The following KDM2B variants were observed in gnomAD, a reference collection of about 807,000 sequenced individuals.
The protein encoded by KDM2B is lysine demethylase 2B, also known as lysine-specific demethylase 2B.
KDM2B carries 26 observed loss-of-function variants against 150.0 expected under a neutral mutation model. The ratio of observed to expected loss-of-function variants is 0.17; its 90% CI spans 0.13 to 0.24. The LOEUF (loss-of-function observed/expected upper bound fraction) is 0.24. Among genes scored for constraint, KDM2B ranks in the 10% least tolerant of loss-of-function variants. The pLI is 1.00. For missense variants in KDM2B, 1,265 were observed against 1,816.9 expected (o/e 0.70, Z 5.52); for synonymous variants, 734 against 729.5 (o/e 1.01, Z -0.10).
chr12:121,517,329 C>G (rs1369280942), intron 9 of KDM2B, among the ~76,000 whole-genome samples: 2 of 152,172 alleles, frequency 1.3e-5, no homozygotes, highest in Admixed American at 1.3e-4. Flanking sequence ...TGGGCAGTGA[C>G]ATTGCAGGAT....
chr12:121,410,259 G>T, the KDM2B span, among the ~76,000 whole-genome samples: 1 of 150,492 alleles, frequency 6.6e-6, no homozygotes, highest in South Asian at 2.1e-4. Context: ...GCTGCATGGG[G>T]CTGGCGTGGT....
At chr12:121,444,389 C>G (rs782027333) in intron 15 of KDM2B, 61 bp downstream of exon 15, 1 of 1,607,090 alleles carries the variant, frequency 6.2e-7, no homozygotes, top group African/African-American at 1.3e-5. Context: ...AGGCTGGTCC[C>G]GGCCAGGCCC....
intron 1 of KDM2B, chr12:121,580,152 TAAATAAA>T: frequency 6.5e-7 from 1 of 1,549,446 alleles, no homozygotes; most frequent in Non-Finnish European, 8.6e-7. Flanking sequence ...AACCAAAAAA[TAAATAAA>T]TAAAGCAAGC....
the KDM2B span, among the ~76,000 whole-genome samples, chr12:121,422,420 C>T: frequency 2.0e-5 from 3 of 152,196 alleles, no homozygotes; most frequent in Non-Finnish European, 4.4e-5. Flanking sequence ...GACCAAGGCC[C>T]ACTCTGATTT....
At chr12:121,444,559 G>C (rs1555289677) in intron 14 of KDM2B, 23 bp from the exon 15 acceptor site, 1 of 1,607,632 alleles carries the variant, frequency 6.2e-7, no homozygotes, top group Non-Finnish European at 8.5e-7. Flanking sequence ...CCAGGACTCA[G>C]AAGAGGGACG....
intron 11 of KDM2B, among the ~76,000 whole-genome samples, chr12:121,495,152 C>G (rs1555300731): frequency 6.6e-6 from 1 of 151,788 alleles, no homozygotes; most frequent in Non-Finnish European, 1.5e-5. Flanking sequence ...GCATGGCACC[C>G]TCCCTGGCTA....
At chr12:121,509,481 T>C in intron 11 of KDM2B, 86 bp downstream of exon 11, 2 of 1,544,754 alleles carry the variant, frequency 1.3e-6, no homozygotes, top group Non-Finnish European at 1.7e-6. Flanking sequence ...CACAGAGCCA[T>C]CGTGAGCTGA....
At chr12:121,461,387 CTG>C (rs2139196344) in intron 12 of KDM2B, among the ~76,000 whole-genome samples, 1 of 152,230 alleles carries the variant, frequency 6.6e-6, no homozygotes, top group African/African-American at 2.4e-5. Context: ...CACAACATGA[CTG>C]TATTCTGGCA....
chr12:121,420,760 G>A, the KDM2B span: 1 of 1,613,286 alleles, frequency 6.2e-7, no homozygotes, highest in African/African-American at 1.3e-5. Flanking sequence ...CAAAGAGAAT[G>A]AAGAAAACCA....
Position 121,513,244 on chromosome 12 carries a change from C to T in KDM2B, c.1174+32G>A. On this transcript the variant is annotated intron_variant, in intron 10 of 22. Coordinates refer to ENST00000377071, the MANE Select transcript of KDM2B (RefSeq NM_032590.5). The surrounding 1 kb of genome is among the most constrained non-coding windows in gnomAD (Gnocchi z 5.0). ...AATGATTTCTGCCCCAGCTGTGCAG[C>T]CGAGGCCGTGGGCTCCCTCCGGTTC... 1 of 1,607,426 alleles carries T rather than the reference C, an allele frequency of 6.2e-7. No individual in the cohort carries two copies. The highest frequency in any genetic ancestry group is 8.5e-7 in the Non-Finnish European group (1 of 1,175,048).
Position 121,575,890 on chromosome 12 carries a change from G to A in KDM2B, c.272-31C>T. The A allele has an allele frequency of 1.3e-6, 2 of 1,544,418 alleles. No individual in the cohort carries two copies. Among genetic ancestry groups the A allele is most frequent in the Non-Finnish European group, 1.8e-6 (2 of 1,116,538 alleles). ...TGGATATTTGAATTAAAACAAGTTG[G>A]TTAAGTCACGAAGGAGCAAATGAAC... On this transcript the variant is annotated intron_variant, in intron 2 of 22. Transcript: ENST00000377071. This position sits in a 1 kb window ranked among gnomAD's most constrained non-coding sequence, Gnocchi z 4.4.
chr12:121,484,319 T>C (rs1555298426), intron 12 of KDM2B, among the ~76,000 whole-genome samples: 1 of 151,942 alleles, frequency 6.6e-6, no homozygotes, highest in East Asian at 1.9e-4. Flanking sequence ...AGAGGATTTC[T>C]ACATGGGAGA....
chr12:121,450,370 G>A (rs1247321806), intron 13 of KDM2B, among the ~76,000 whole-genome samples: 1 of 151,492 alleles, frequency 6.6e-6, no homozygotes, highest in African/African-American at 2.4e-5. Context: ...TTTAAAAACG[G>A]GCTAAGGACT....
chr12:121,458,226 A>G (rs1271281329), intron 12 of KDM2B, among the ~76,000 whole-genome samples: 1 of 151,842 alleles, frequency 6.6e-6, no homozygotes, highest in Non-Finnish European at 1.5e-5. Flanking sequence ...AAATAAAAAG[A>G]CTAGCTGAGT....
chr12:121,480,928 T>G (rs565009649), intron 12 of KDM2B, among the ~76,000 whole-genome samples: 2,522 of 120,322 alleles, frequency 0.021, 76 homozygotes, highest in African/African-American at 0.069. Context: ...GTGTTTTTTT[T>G]GTTGTTTTTT....
In KDM2B at chr12:121,532,971, A is replaced by C. The variant is rs1189079658; in HGVS notation, c.778-12T>G. On this transcript the variant is annotated splice_polypyrimidine_tract_variant and intron_variant, in intron 7 of 22. Coordinates refer to ENST00000377071, the MANE Select transcript of KDM2B (RefSeq NM_032590.5). The stretch of plus-strand genomic sequence containing the variant: ...ATCAGCCAAAAAATCTTGGGAGAAA[A>C]CACAGGCAGTCAGCTGGAGACCCAG... The C allele has an allele frequency of 6.2e-7, 1 of 1,613,914 alleles. No individual in the cohort carries two copies. Among genetic ancestry groups the C allele is most frequent in the Non-Finnish European group, 8.5e-7 (1 of 1,179,956 alleles).
intron 12 of KDM2B, among the ~76,000 whole-genome samples, chr12:121,490,229 T>G (rs543802935): frequency 6.6e-6 from 1 of 152,336 alleles, no homozygotes; most frequent in East Asian, 1.9e-4. Context: ...CTGTGGCTCC[T>G]GTGTGGCCCC....
At position 121,430,202 on chromosome 12, in the gene KDM2B, G is replaced by A. The variant is rs782589239; in HGVS notation, c.*86C>T. 1.5e-5 allele frequency: 25 copies of A among 1,614,012 alleles called. No homozygotes were observed. The highest frequency in any genetic ancestry group is 5.0e-5 in the Admixed American group (3 of 60,000). ...ATTGCGTTGTGGTCTGTTGTCCCAC[G>A]TTCCAAATGGAAAATAAAAGCCCTC... On this transcript the variant is annotated 3_prime_UTR_variant, in exon 23 of 23. Transcript: ENST00000377071. This position sits in a 1 kb window ranked among gnomAD's most constrained non-coding sequence, Gnocchi z 4.4.
At position 121,442,517 on chromosome 12, in the gene KDM2B, G is replaced by C. The variant is rs781789924; in HGVS notation, c.2924C>G (p.Ser975Trp). The C allele has an allele frequency of 1.1e-5, 18 of 1,599,494 alleles. No homozygotes were observed. Among genetic ancestry groups the C allele is most frequent in the Non-Finnish European group, 1.3e-5 (15 of 1,179,880 alleles). The change falls in exon 19 of 23, where the codon TCG becomes TGG. Residue 975 changes from serine to tryptophan, a missense_variant. By Grantham distance (177) the Ser-to-Trp change is radical. Around this residue, in one of 11 missense-constraint regions of KDM2B, gnomAD observed 418 missense variants for 402.4 expected, o/e 1.04. Transcript: ENST00000377071. This position sits in a 1 kb window ranked among gnomAD's most constrained non-coding sequence, Gnocchi z 7.7. The stretch of plus-strand genomic sequence containing the variant: ...CTCCTCGCCCTCGCTCTCAGGCTCC[G>C]ACTTGATGGGCTGCTGGTTCTCGTT... ...LANENQQPIKSEPESEGEEPK... is the reference protein window; with the variant it reads ...LANENQQPIKWEPESEGEEPK...
Sources: gnomAD v4.1 joint callset for allele counts (sites outside exome capture counted in the v4.1 genomes callset) on GRCh38, gnomAD v4.1.1 for gene constraint, gnomAD v4.1.1 regional missense constraint, Gnocchi (gnomAD v3.1) non-coding constraint, MANE v1.5 for transcripts, NCBI Gene and HGNC (gene_info 2026-07-23, HGNC 2026-07-21) for gene names.